Variants in RAPH1 observed in about 807,000 individuals in gnomAD.
RAPH1 encodes ras-associated and pleckstrin homology domains-containing protein 1.
Under a neutral mutation model 88.1 loss-of-function variants are expected in RAPH1, and 18 were observed. That is an observed-to-expected ratio of 0.20 (90% CI 0.14 to 0.30). The LOEUF (loss-of-function observed/expected upper bound fraction) is 0.30. RAPH1 is among the 10% of genes least tolerant of loss of function. The pLI is 1.00. For synonymous variants in RAPH1, 587 were observed against 559.0 expected, an observed-to-expected ratio of 1.05 and a Z score of -0.71; for missense variants, 1,448 against 1,543.2, an observed-to-expected ratio of 0.94 and a Z score of 1.03.
intron 1 of RAPH1, among the ~76,000 whole-genome samples, chr2:203,534,505 T>TCCC (rs1486665508): frequency 5.1e-3 from 38 of 7,406 alleles, no homozygotes; most frequent in Non-Finnish European, 7.4e-3. Flanking sequence ...CCTCCCTCCG[T>TCCC]CCACCCCCCC....
At chr2:203,512,732 C>G (rs1666339357) in intron 1 of RAPH1, among the ~76,000 whole-genome samples, 1 of 150,996 alleles carries the variant, frequency 6.6e-6, no homozygotes, top group Non-Finnish European at 1.5e-5. Flanking sequence ...AAGCGATTCT[C>G]CTTGCCTCAG....
chr2:203,472,126 T>C (rs1008771882), intron 4 of RAPH1, among the ~76,000 whole-genome samples: 5 of 150,200 alleles, frequency 3.3e-5, no homozygotes, highest in Admixed American at 6.6e-5. Flanking sequence ...TTTCTTTAGT[T>C]CTTTTTTTTT....
chr2:203,484,447 T>C (rs1014245807), intron 4 of RAPH1, among the ~76,000 whole-genome samples: 10 of 152,112 alleles, frequency 6.6e-5, no homozygotes, highest in African/African-American at 2.4e-4. Flanking sequence ...TAGATGCCAG[T>C]AGTAGCACAC....
At chr2:203,497,551 TATC>T (rs1159650596) in intron 1 of RAPH1, among the ~76,000 whole-genome samples, 2 of 152,204 alleles carry the variant, frequency 1.3e-5, no homozygotes, top group Non-Finnish European at 2.9e-5. Context: ...CTGAAAATCA[TATC>T]ATATCTCATT....
intron 4 of RAPH1, chr2:203,477,141 T>C: frequency 6.2e-7 from 1 of 1,613,824 alleles, no homozygotes; most frequent in Non-Finnish European, 8.5e-7. Context: ...CTGGAACATC[T>C]CAGAGAAATA....
intron 10 of RAPH1, among the ~76,000 whole-genome samples, chr2:203,451,316 C>T (rs2098514732): frequency 6.6e-6 from 1 of 152,150 alleles, no homozygotes; most frequent in African/African-American, 2.4e-5. Context: ...ATTATTATCT[C>T]CATGTTCCAA....
Position 203,439,937 on chromosome 2 carries a change from G to A in RAPH1, c.3253C>T (p.Pro1085Ser). The stretch of plus-strand genomic sequence containing the variant: ...AAAACTGCTGGAATCTCAATGGGGG[G>A]CAGAGGAAGCTCTGTTTCAGGTGGA... ...PPPPETELPL[P>S]PIEIPAVFSG... Residue 1085 changes from proline to serine, a missense_variant, in exon 14 of 14, where the codon CCC becomes TCC. Pro to Ser is a moderately conservative substitution (Grantham distance 74). Transcript: ENST00000319170. 1 of 1,613,904 alleles carries A rather than the reference G, an allele frequency of 6.2e-7. No homozygotes were observed.
intron 1 of RAPH1, among the ~76,000 whole-genome samples, chr2:203,499,020 G>A (rs1394549003): frequency 6.6e-6 from 1 of 152,124 alleles, no homozygotes; most frequent in Non-Finnish European, 1.5e-5. Context: ...GCCTAGGTGT[G>A]GAGTAGACTA....
intron 13 of RAPH1, chr2:203,443,939 G>A (rs189008769): frequency 1.3e-5 from 2 of 151,706 alleles, no homozygotes; most frequent in Non-Finnish European, 2.9e-5. Context: ...GAGCCCAGGA[G>A]GCTTAAGTGA....
rs867151397 is a variant in RAPH1 at position 203,506,860 on chromosome 2, A to C, written c.1-11507T>G. On this transcript the variant is annotated intron_variant, in intron 1 of 13. Transcript: ENST00000319170. ...TATCTATATATCTATCTATATCTATATATATATATATATATATATAGATAT... is the reference window on the plus strand; with the variant it reads ...TATCTATATATCTATCTATATCTATCTATATATATATATATATATAGATAT... Among the ~76,000 whole-genome samples, 660 of 78,840 alleles carry C rather than the reference A, an allele frequency of 8.4e-3. 77 individuals carry two copies. Among genetic ancestry groups the C allele is most frequent in the African/African-American group, 0.025 (386 of 15,190 alleles). 51.7% of individuals were successfully genotyped at this position (78,840 alleles called of 152,430 possible).
At chr2:203,528,580 A>T (rs1207552519) in intron 1 of RAPH1, among the ~76,000 whole-genome samples, 1 of 152,206 alleles carries the variant, frequency 6.6e-6, no homozygotes, top group Non-Finnish European at 1.5e-5. Flanking sequence ...AGCTAAGAGA[A>T]GCATTAAAAA....
chr2:203,513,838 A>G (rs1191897793), intron 1 of RAPH1, among the ~76,000 whole-genome samples: 7 of 129,060 alleles, frequency 5.4e-5, no homozygotes. Context: ...CAGTCTCAAG[A>G]AAAAAAAAAA....
intron 2 of RAPH1, among the ~76,000 whole-genome samples, chr2:203,493,991 AAAAAAAAG>A (rs1426131937): frequency 1.9e-4 from 28 of 150,450 alleles, no homozygotes; most frequent in African/African-American, 6.6e-4. Context: ...AAAAAAAAAA[AAAAAAAAG>A]AAAAAAGAAA....
chr2:203,530,178 G>A (rs892214247), intron 1 of RAPH1, among the ~76,000 whole-genome samples: 3 of 152,134 alleles, frequency 2.0e-5, no homozygotes, highest in East Asian at 1.9e-4. Context: ...ATAGCAAGAA[G>A]AGCATATGAA....
At chr2:203,455,788 A>T (rs986147127) in intron 8 of RAPH1, among the ~76,000 whole-genome samples, 9 of 151,582 alleles carry the variant, frequency 5.9e-5, no homozygotes, top group Non-Finnish European at 1.2e-4. Context: ...CGGGTGGATC[A>T]CTTGAGGTCA....
chr2:203,486,856 A>G (rs1687994936), intron 4 of RAPH1, among the ~76,000 whole-genome samples: 1 of 152,212 alleles, frequency 6.6e-6, no homozygotes, highest in African/African-American at 2.4e-5. Flanking sequence ...CTCCTAGGTG[A>G]GGCAAAAGAA....
At chr2:203,451,145 G>A (rs1480869248) in intron 10 of RAPH1, among the ~76,000 whole-genome samples, 1 of 152,002 alleles carries the variant, frequency 6.6e-6, no homozygotes, top group East Asian at 1.9e-4. Context: ...TGGTCATCCA[G>A]GCTCTGTACA....
intron 1 of RAPH1, among the ~76,000 whole-genome samples, chr2:203,529,521 C>T (rs973992328): frequency 1.3e-5 from 2 of 152,064 alleles, no homozygotes; most frequent in Non-Finnish European, 1.5e-5. Flanking sequence ...GCCACCACGC[C>T]CGACTAATTT....
intron 1 of RAPH1, among the ~76,000 whole-genome samples, chr2:203,506,215 T>G (rs1688987371): frequency 6.6e-6 from 1 of 152,122 alleles, no homozygotes; most frequent in Non-Finnish European, 1.5e-5. Flanking sequence ...TCAGTATAAA[T>G]AAACTCAAGG....
Sources: allele counts gnomAD v4.1 joint callset (sites outside exome capture counted in the v4.1 genomes callset), GRCh38; gene constraint gnomAD v4.1.1; transcripts MANE v1.5; gene names NCBI Gene and HGNC (gene_info 2026-07-23, HGNC 2026-07-21).